ALG14: variants seen among roughly 807,000 people sequenced by gnomAD.
The protein encoded by ALG14 is UDP-N-acetylglucosamine transferase subunit ALG14.
A neutral mutation model predicts 22.8 loss-of-function variants in ALG14; 17 were observed. The observed-to-expected ratio is 0.75, with a 90% CI of 0.51 to 1.12. The LOEUF (loss-of-function observed/expected upper bound fraction) is 1.12, where lower values mean the gene tolerates loss of function less well. ALG14 is among the 50% of genes most tolerant of loss of function. The pLI is 0.00. For missense variants in ALG14, 288 were observed against 271.8 expected (o/e 1.06, Z -0.42); for synonymous variants, 89 against 103.7 (o/e 0.86, Z 0.86).
rs955418892 is a variant in ALG14, at chr1:94,981,060, C to G, written c.*2016G>C. 5 of 152,210 alleles carry G rather than the reference C, an allele frequency of 3.3e-5. No individual in the cohort carries two copies. Among genetic ancestry groups the G allele is most frequent in the South Asian group, 4.1e-4 (2 of 4,832 alleles). The allele number at this position is 152,210 out of a possible 1,614,324, so 9.4% of individuals were successfully genotyped here. On this transcript the variant is annotated 3_prime_UTR_variant, in exon 4 of 4. Transcript: ENST00000370205. The stretch of plus-strand genomic sequence containing the variant: ...CATTCACTAAACGCAGTTCACTTTC[C>G]CTTACCATTCATTTACCTAGTGCCA...
chr1:95,022,233 TG>T, intron 3 of ALG14: 1 of 818,954 alleles, frequency 1.2e-6, no homozygotes, highest in South Asian at 5.6e-5. Context: ...TTGACACAGA[TG>T]TTGTTCGGAA....
intron 1 of ALG14, among the ~76,000 whole-genome samples, chr1:95,071,505 T>C (rs140687461): frequency 3.3e-5 from 5 of 152,266 alleles, no homozygotes; most frequent in South Asian, 2.1e-4. Context: ...ACTGCGCCAC[T>C]GCCCTCCAGC....
chr1:95,068,629 C>T (rs953913632), intron 1 of ALG14, among the ~76,000 whole-genome samples: 7 of 152,132 alleles, frequency 4.6e-5, no homozygotes, highest in Non-Finnish European at 1.5e-5. Context: ...GTAAATGTCG[C>T]TTGGTCTTCA....
intron 3 of ALG14, among the ~76,000 whole-genome samples, chr1:95,021,332 C>T (rs373321169): frequency 1.3e-5 from 2 of 152,134 alleles, no homozygotes; most frequent in East Asian, 3.9e-4. Flanking sequence ...CCTCACCGTT[C>T]CTCAAGGAGT....
chr1:95,004,640 C>T (rs962237585), intron 3 of ALG14, among the ~76,000 whole-genome samples: 2 of 148,642 alleles, frequency 1.3e-5, no homozygotes, highest in African/African-American at 5.2e-5. Context: ...GCTGGGACTA[C>T]AAGCGCCAGC....
chr1:94,998,568 TAAAAA>T (rs765994632), intron 3 of ALG14, among the ~76,000 whole-genome samples: 6 of 152,186 alleles, frequency 3.9e-5, no homozygotes, highest in Non-Finnish European at 5.9e-5. Context: ...ATGACTTTAT[TAAAAA>T]ATATATTTAT....
At chr1:94,994,415 T>C (rs1672858807) in intron 3 of ALG14, among the ~76,000 whole-genome samples, 1 of 152,204 alleles carries the variant, frequency 6.6e-6, no homozygotes, top group Non-Finnish European at 1.5e-5. Flanking sequence ...TTTAGGTCAA[T>C]CCCTTTCCTT....
In ALG14 at chr1:94,979,227, T is replaced by C. The variant is rs1406605249; in HGVS notation, c.*3849A>G. ...TGAAGCCAGGAGGCAGAGGTTACAG[T>C]GAGCCAGTAAGGTGAGATTGCACCA... On this transcript the variant is annotated 3_prime_UTR_variant, in exon 4 of 4. Coordinates refer to ENST00000370205, the MANE Select transcript of ALG14 (RefSeq NM_144988.4). 1 of 132,606 alleles carries C rather than the reference T, an allele frequency of 7.5e-6. No homozygotes were observed. Among genetic ancestry groups the C allele is most frequent in the Non-Finnish European group, 1.5e-5 (1 of 65,800 alleles). 8.2% of individuals were successfully genotyped at this position (132,606 alleles called of 1,614,324 possible).
intron 2 of ALG14, among the ~76,000 whole-genome samples, chr1:95,044,215 C>T (rs35512410): frequency 0.052 from 7,941 of 152,242 alleles, 271 homozygotes; most frequent in Non-Finnish European, 0.079. Context: ...GCCACATTAT[C>T]TCTTGCTGGG....
At chr1:94,983,372 T>A in intron 3 of ALG14, 66 bp from the exon 4 acceptor site, 1 of 1,338,682 alleles carries the variant, frequency 7.5e-7, no homozygotes, top group Non-Finnish European at 1.0e-6. Context: ...CATTTTGCAT[T>A]AAGAACAGCC....
chr1:94,988,014 C>A (rs1234608873), intron 3 of ALG14, among the ~76,000 whole-genome samples: 2 of 152,166 alleles, frequency 1.3e-5, no homozygotes, highest in African/African-American at 4.8e-5. Context: ...AGGAACACAG[C>A]TGCAGGGAAA....
intron 2 of ALG14, among the ~76,000 whole-genome samples, chr1:95,037,948 T>G (rs1479746475): frequency 6.6e-6 from 1 of 152,182 alleles, no homozygotes; most frequent in Non-Finnish European, 1.5e-5. Flanking sequence ...AGGAACTCAC[T>G]GCAGTCTATC....
intron 3 of ALG14, among the ~76,000 whole-genome samples, chr1:94,985,469 T>C (rs887957380): frequency 2.0e-5 from 3 of 152,214 alleles, no homozygotes; most frequent in Non-Finnish European, 4.4e-5. Context: ...ATTAATGCAC[T>C]CCCTAATCCT....
chr1:94,983,053 C>G lies in ALG14; in HGVS notation c.*23G>C. 6.2e-7 allele frequency: 1 copy of G among 1,608,824 alleles called. No homozygotes were observed. Among genetic ancestry groups the G allele is most frequent in the South Asian group, 1.1e-5 (1 of 90,906 alleles). ...ACATACTACTGTTAACTGCAAAATT[C>G]TAAAGAAGTCAGTTGCCATTTGTCA... On this transcript the variant is annotated 3_prime_UTR_variant, in exon 4 of 4. Coordinates refer to ENST00000370205, the MANE Select transcript of ALG14 (RefSeq NM_144988.4).
intron 2 of ALG14, among the ~76,000 whole-genome samples, chr1:95,045,679 T>C (rs1363645766): frequency 7.5e-6 from 1 of 133,594 alleles, no homozygotes; most frequent in Admixed American, 7.3e-5. Flanking sequence ...CTAATAGAAT[T>C]AGCATACTAT....
At chr1:95,001,549 G>A (rs1023827003) in intron 3 of ALG14, among the ~76,000 whole-genome samples, 3 of 152,150 alleles carry the variant, frequency 2.0e-5, no homozygotes, top group African/African-American at 4.8e-5. Flanking sequence ...AGGCTGGAGT[G>A]CAGTGGTGCC....
chr1:95,010,858 TC>T (rs1673342854), intron 3 of ALG14, among the ~76,000 whole-genome samples: 1 of 152,162 alleles, frequency 6.6e-6, no homozygotes, highest in Non-Finnish European at 1.5e-5. Context: ...AGAATATCAT[TC>T]CATATTTAGT....
chr1:95,056,146 T>C (rs1274089438), intron 2 of ALG14, among the ~76,000 whole-genome samples: 2 of 151,904 alleles, frequency 1.3e-5, no homozygotes, highest in Admixed American at 1.3e-4. Context: ...AGCTATATAT[T>C]AGAAGCAGAA....
intron 2 of ALG14, among the ~76,000 whole-genome samples, chr1:95,059,326 C>T (rs573299580): frequency 8.8e-4 from 120 of 136,484 alleles, no homozygotes; most frequent in African/African-American, 3.0e-3. Context: ...GAACCCTGGG[C>T]GTTGGAGGTT....
Sources: allele counts gnomAD v4.1 joint callset (sites outside exome capture counted in the v4.1 genomes callset), GRCh38; gene constraint gnomAD v4.1.1; transcripts MANE v1.5; gene names NCBI Gene and HGNC (gene_info 2026-07-23, HGNC 2026-07-21).